Variants in CAMK4 observed in about 807,000 individuals in gnomAD.
CAMK4 encodes calcium/calmodulin dependent protein kinase IV, also known as calcium/calmodulin-dependent protein kinase type IV.
CAMK4 carries 22 observed loss-of-function variants against 44.9 expected under a neutral mutation model. The observed-to-expected ratio is 0.49, with a 90% CI of 0.35 to 0.70. The LOEUF is 0.70. CAMK4 is among the 30% of genes least tolerant of loss of function. The pLI, the probability that CAMK4 is intolerant of heterozygous loss-of-function variation, is 0.01. For synonymous variants in CAMK4, 218 were observed against 215.4 expected (o/e 1.01, Z -0.11); for missense variants, 498 against 586.8 (o/e 0.85, Z 1.56).
At chr5:111,386,369 C>A (rs779298785) in intron 4 of CAMK4, among the ~76,000 whole-genome samples, 3 of 152,170 alleles carry the variant, frequency 2.0e-5, no homozygotes, top group Non-Finnish European at 4.4e-5. Context: ...TCTCATCAGA[C>A]CATTATCTTT....
In CAMK4 at chr5:111,393,873, GTT is replaced by G. The variant is rs5870448; in HGVS notation, c.387-822_387-821del. ...GTACCTCTGAACTTAAAAGTTTTGT[GTT>G]TTTTTTTTTTTTTTAAAGAATCACA... On this transcript the variant is annotated intron_variant, in intron 4 of 10. Transcript: ENST00000282356. Among the ~76,000 whole-genome samples the G allele has an allele frequency of 3.6e-3, 505 of 141,812 alleles. 4 individuals carry two copies. The highest frequency in any genetic ancestry group is 9.6e-3 in the African/African-American group (373 of 38,762). The allele number at this position is 141,812 out of a possible 152,430, so 93.0% of individuals were successfully genotyped here. A position where few individuals can be genotyped will look rare whatever the true frequency, so the allele number is the denominator to read the frequency against.
intron 2 of CAMK4, among the ~76,000 whole-genome samples, chr5:111,355,294 T>C (rs1163709822): frequency 6.6e-6 from 1 of 152,006 alleles, no homozygotes; most frequent in African/African-American, 2.4e-5. Flanking sequence ...TTCTATCCAG[T>C]TTGTGACAAG....
intron 1 of CAMK4, among the ~76,000 whole-genome samples, chr5:111,273,675 A>ATT (rs1371960046): frequency 1.8e-3 from 141 of 79,480 alleles, no homozygotes; most frequent in South Asian, 5.8e-3. Context: ...TAAAAAATGC[A>ATT]TTTATATATA....
chr5:111,439,131 G>T (rs1287714026), intron 5 of CAMK4, among the ~76,000 whole-genome samples: 1 of 152,082 alleles, frequency 6.6e-6, no homozygotes, highest in African/African-American at 2.4e-5. Flanking sequence ...TCGAGAGTTT[G>T]TGATCCCTAC....
At chr5:111,363,247 T>C (rs1045718529) in intron 2 of CAMK4, among the ~76,000 whole-genome samples, 4 of 152,082 alleles carry the variant, frequency 2.6e-5, no homozygotes, top group Non-Finnish European at 5.9e-5. Context: ...GTCAATAACA[T>C]GAAAAAATGT....
At position 111,448,534 on chromosome 5, in the gene CAMK4, G is replaced by A. The variant is rs565737947; in HGVS notation, c.551-595G>A. Among the ~76,000 whole-genome samples, 11 of 152,312 alleles carry A rather than the reference G, an allele frequency of 7.2e-5. No homozygotes were observed. In the South Asian group the frequency reaches 2.1e-3, roughly 29 times the overall value. Reference sequence around the variant, plus strand: ...TTAAGAAAAAATAGCTTGGCTGGGCGCGGGGGCTCACACCTGTAATCCCAG... The same window carrying A: ...TTAAGAAAAAATAGCTTGGCTGGGCACGGGGGCTCACACCTGTAATCCCAG... On this transcript the variant is annotated intron_variant, in intron 6 of 10. Transcript: ENST00000282356.
In CAMK4 at chr5:111,384,611, C is replaced by G. The variant is rs139553082; in HGVS notation, c.386+7669C>G. 3.0e-4 allele frequency among the ~76,000 whole-genome samples: 46 copies of G among 152,264 alleles called. No individual in the cohort carries two copies. In the East Asian group the frequency reaches 7.0e-3, roughly 23 times the overall value. Reference sequence around the variant, plus strand: ...CTCCCCTTCCCTGTGAACTGATTCACCAACTAAACTAATCAACATGAATTT... The same window carrying G: ...CTCCCCTTCCCTGTGAACTGATTCAGCAACTAAACTAATCAACATGAATTT... On this transcript the variant is annotated intron_variant, in intron 4 of 10. Transcript: ENST00000282356.
chr5:111,411,888 T>G (rs1752644596), intron 5 of CAMK4, among the ~76,000 whole-genome samples: 1 of 152,188 alleles, frequency 6.6e-6, no homozygotes, highest in South Asian at 2.1e-4. Context: ...GAAAAAGACA[T>G]TAAAAGGGTA....
At position 111,493,693 on chromosome 5, in the gene CAMK4, A is replaced by G. The variant is rs553319685; in HGVS notation, c.*9227A>G. The G allele has an allele frequency of 6.6e-6, 1 of 152,282 alleles. No individual in the cohort carries two copies. The highest frequency in any genetic ancestry group is 1.9e-4 in the East Asian group (1 of 5,186). 9.4% of individuals were successfully genotyped at this position (152,282 alleles called of 1,614,324 possible). A position where few individuals can be genotyped will look rare whatever the true frequency, so the allele number is the denominator to read the frequency against. ...TCATCTCTCCCTTTTGTCCCTTTAC[A>G]TACTGTTTTGTAAGTTCCTTTTGAT... On this transcript the variant is annotated 3_prime_UTR_variant, in exon 11 of 11. Transcript: ENST00000282356. This position sits in a 1 kb window ranked among gnomAD's most constrained non-coding sequence, Gnocchi z 4.1.
chr5:111,464,142 AC>A (rs1288621839), intron 7 of CAMK4, among the ~76,000 whole-genome samples: 1 of 152,060 alleles, frequency 6.6e-6, no homozygotes, highest in African/African-American at 2.4e-5. Flanking sequence ...AAATAAAAAA[AC>A]AATCACAACT....
intron 7 of CAMK4, 43 bp from the exon 8 acceptor site, chr5:111,473,268 T>G: frequency 1.7e-6 from 2 of 1,210,556 alleles, no homozygotes; most frequent in Non-Finnish European, 2.4e-6. Flanking sequence ...AATATAAATA[T>G]TGACTAAGCT....
intron 1 of CAMK4, among the ~76,000 whole-genome samples, chr5:111,273,708 T>TATATATATAA (rs1750628583): frequency 1.8e-5 from 1 of 56,422 alleles, no homozygotes; most frequent in Non-Finnish European, 3.0e-5. Context: ...TATATATATA[T>TATATATATAA]ATATATATAT....
chr5:111,318,403 T>G (rs1321655027), intron 1 of CAMK4, among the ~76,000 whole-genome samples: 1 of 152,206 alleles, frequency 6.6e-6, no homozygotes, highest in Non-Finnish European at 1.5e-5. Flanking sequence ...CAATACTGTT[T>G]ATAAAGTATA....
At chr5:111,239,530 G>A (rs1284381188) in intron 1 of CAMK4, among the ~76,000 whole-genome samples, 1 of 152,174 alleles carries the variant, frequency 6.6e-6, no homozygotes, top group Non-Finnish European at 1.5e-5. Context: ...TGCAGGGATT[G>A]TTAAATATTA....
chr5:111,386,576 A>G (rs990357684), intron 4 of CAMK4, among the ~76,000 whole-genome samples: 5 of 152,240 alleles, frequency 3.3e-5, no homozygotes, highest in Admixed American at 6.5e-5. Context: ...ATTTGTGGCA[A>G]TTAGTGTTAC....
intron 5 of CAMK4, among the ~76,000 whole-genome samples, chr5:111,404,215 A>C (rs1752335259): frequency 6.6e-6 from 1 of 152,232 alleles, no homozygotes; most frequent in Non-Finnish European, 1.5e-5. Context: ...TGCATGTTAC[A>C]TGTGACCCAT....
intron 1 of CAMK4, among the ~76,000 whole-genome samples, chr5:111,231,743 G>T (rs1263252989): frequency 1.3e-5 from 2 of 151,922 alleles, no homozygotes; most frequent in Non-Finnish European, 2.9e-5. Flanking sequence ...TATTTACCAA[G>T]AATACAATTT....
intron 1 of CAMK4, among the ~76,000 whole-genome samples, chr5:111,322,079 T>A (rs1748686639): frequency 6.6e-6 from 1 of 152,062 alleles, no homozygotes; most frequent in Non-Finnish European, 1.5e-5. Context: ...ACTATAGTTA[T>A]AAGACAGTTG....
At chr5:111,426,595 G>A (rs1223250243) in intron 5 of CAMK4, among the ~76,000 whole-genome samples, 2 of 152,134 alleles carry the variant, frequency 1.3e-5, no homozygotes, top group Non-Finnish European at 2.9e-5. Context: ...GCTGAAAGAG[G>A]CACTGAAGAG....
Sources: gnomAD v4.1 joint callset for allele counts (sites outside exome capture counted in the v4.1 genomes callset) on GRCh38, gnomAD v4.1.1 for gene constraint, Gnocchi (gnomAD v3.1) non-coding constraint, MANE v1.5 for transcripts, NCBI Gene and HGNC (gene_info 2026-07-23, HGNC 2026-07-21) for gene names.